CAMSAP2: variants seen among roughly 807,000 people sequenced by gnomAD.
CAMSAP2 encodes calmodulin-regulated spectrin-associated protein 2.
A neutral mutation model predicts 146.1 loss-of-function variants in CAMSAP2; 26 were observed. The observed-to-expected ratio is 0.18, with a 90% CI of 0.13 to 0.25. The LOEUF is 0.25. Ranked by LOEUF, CAMSAP2 falls within the 10% of genes least tolerant of loss-of-function variation. The pLI is 1.00. For synonymous variants in CAMSAP2, 499 were observed against 596.6 expected (o/e 0.84, Z 2.38); for missense variants, 1,381 against 1,759.3 (o/e 0.78, Z 3.85).
chr1:200,799,560 C>A (rs1665980876), intron 2 of CAMSAP2, among the ~76,000 whole-genome samples: 1 of 152,094 alleles, frequency 6.6e-6, no homozygotes, highest in Admixed American at 6.5e-5. Context: ...ATTCTTCTCT[C>A]TTTCCTTCTT....
Position 200,817,178 on chromosome 1 carries a change from AC to A in CAMSAP2, c.645+1535del, listed in dbSNP as rs1558192037. Among the ~76,000 whole-genome samples the A allele has an allele frequency of 4.9e-3, 269 of 55,346 alleles. 5 individuals are homozygous for A. Among genetic ancestry groups the A allele is most frequent in the African/African-American group, 0.021 (215 of 10,296 alleles). The allele number at this position is 55,346 out of a possible 152,430, so 36.3% of individuals were successfully genotyped here. On this transcript the variant is annotated intron_variant, in intron 4 of 16. Coordinates refer to ENST00000358823, the MANE Select transcript of CAMSAP2 (RefSeq NM_203459.4). ...CACATACACACACGTGTGTGTATAT[AC>A]ACACACACACATGTGTGTGTGTATA...
At chr1:200,740,426 C>G (rs796393745) in intron 1 of CAMSAP2, among the ~76,000 whole-genome samples, 3 of 152,080 alleles carry the variant, frequency 2.0e-5, no homozygotes, top group African/African-American at 7.2e-5. Flanking sequence ...TATTCAGGCT[C>G]CGTTGGATGT....
At chr1:200,855,852 C>T (rs2029752) in intron 14 of CAMSAP2, among the ~76,000 whole-genome samples, 158 bp from the exon 15 acceptor site, 45,584 of 151,676 alleles carry the variant, frequency 0.3, 7,443 homozygotes, top group Middle Eastern at 0.4. Flanking sequence ...GCCTCGGCCT[C>T]CCAAAGTGCT....
chr1:200,815,570 C>T lies in CAMSAP2; in HGVS notation c.571C>T (p.His191Tyr). ...ATTTTTATATTTTAAGGTAAATGAA[C>T]ATTTGAAAGACATAATGGAACAAGA... Reference protein sequence around the residue: ...VMYWINKVNEHLKDIMEQEQK... With the variant: ...VMYWINKVNEYLKDIMEQEQK... The change falls in exon 4 of 17, where the codon CAT becomes TAT. Residue 191 changes from histidine to tyrosine, a missense_variant. This residue lies in a region of CAMSAP2 where 284 missense variants were observed against 406.9 expected (regional missense o/e 0.70). Transcript: ENST00000358823. 1.3e-6 allele frequency: 2 copies of T among 1,528,516 alleles called. No individual in the cohort carries two copies. The highest frequency in any genetic ancestry group is 2.3e-5 in the East Asian group (1 of 43,172). The allele number at this position is 1,528,516 out of a possible 1,614,324, so 94.7% of individuals were successfully genotyped here.
chr1:200,772,180 T>C (rs1358479481), intron 2 of CAMSAP2, among the ~76,000 whole-genome samples: 2 of 152,164 alleles, frequency 1.3e-5, no homozygotes, highest in Non-Finnish European at 2.9e-5. Flanking sequence ...GTTACACATG[T>C]ATTACAGAAA....
intron 2 of CAMSAP2, among the ~76,000 whole-genome samples, chr1:200,770,071 A>T (rs1665072901): frequency 1.3e-5 from 2 of 152,208 alleles, no homozygotes; most frequent in Non-Finnish European, 2.9e-5. Context: ...TAGATAGATG[A>T]TTCTCCCCTA....
At chr1:200,821,056 C>T (rs1417324813) in intron 4 of CAMSAP2, among the ~76,000 whole-genome samples, 1 of 151,966 alleles carries the variant, frequency 6.6e-6, no homozygotes, top group African/African-American at 2.4e-5. Context: ...TCTTTTATAC[C>T]ATTATTTTAG....
rs1488606780 is a variant in CAMSAP2, at chr1:200,807,358, C to G, written c.400-18C>G. On this transcript the variant is annotated intron_variant, in intron 2 of 16. Coordinates refer to ENST00000358823, the MANE Select transcript of CAMSAP2 (RefSeq NM_203459.4). ...AAATATAATTTTTAAACTATTTGTT[C>G]TTGTTTTATATTTTCAGAGTGCACA... 6.8e-7 allele frequency: 1 copy of G among 1,463,908 alleles called. No individual in the cohort carries two copies. Among genetic ancestry groups the G allele is most frequent in the Non-Finnish European group, 9.1e-7 (1 of 1,099,934 alleles). 90.7% of individuals were successfully genotyped at this position (1,463,908 alleles called of 1,614,324 possible).
At position 200,857,012 on chromosome 1, in the gene CAMSAP2, C is replaced by T. The variant is rs1208341103; in HGVS notation, c.4013-294C>T. ...ATTCTACTCTAAGCTAACCAGTAAC[C>T]GTATAGATTTAAGAAAGAAGGTTAA... On this transcript the variant is annotated intron_variant, in intron 15 of 16. Coordinates refer to ENST00000358823, the MANE Select transcript of CAMSAP2 (RefSeq NM_203459.4). The surrounding 1 kb of genome is among the most constrained non-coding windows in gnomAD (Gnocchi z 4.7). 1.3e-5 allele frequency among the ~76,000 whole-genome samples: 2 copies of T among 152,018 alleles called. No individual in the cohort carries two copies. The highest frequency in any genetic ancestry group is 2.4e-5 in the African/African-American group (1 of 41,368).
chr1:200,821,177 TC>T (rs1344036514), intron 4 of CAMSAP2, among the ~76,000 whole-genome samples: 5 of 151,266 alleles, frequency 3.3e-5, no homozygotes, highest in Admixed American at 6.6e-5. Flanking sequence ...TGCTTCTTCT[TC>T]TTCTTTTTTT....
intron 1 of CAMSAP2, among the ~76,000 whole-genome samples, chr1:200,747,214 T>C (rs1372198293): frequency 1.3e-5 from 2 of 152,122 alleles, no homozygotes; most frequent in Admixed American, 1.3e-4. Context: ...CCAGTCACTT[T>C]GAGGGAGCGT....
At chr1:200,819,372 A>T (rs943880524) in intron 4 of CAMSAP2, among the ~76,000 whole-genome samples, 21 of 152,130 alleles carry the variant, frequency 1.4e-4, no homozygotes, top group Non-Finnish European at 2.2e-4. Context: ...ACAACAAATA[A>T]TTTTTTTATA....
Position 200,858,923 on chromosome 1 carries a change from C to T in CAMSAP2, c.*864C>T, listed in dbSNP as rs1431014019. On this transcript the variant is annotated 3_prime_UTR_variant, in exon 17 of 17. Transcript: ENST00000358823. ...TTTATAAGTTGGCAGAAGTGAATGA[C>T]ACTTTGAGAGTAGTCTTTCAATCTG... is the stretch of plus-strand genomic sequence containing the variant. 6.6e-6 allele frequency: 1 copy of T among 152,362 alleles called. No homozygotes were observed. Among genetic ancestry groups the T allele is most frequent in the Non-Finnish European group, 1.5e-5 (1 of 67,918 alleles). 9.4% of individuals were successfully genotyped at this position (152,362 alleles called of 1,614,324 possible).
chr1:200,799,085 G>A (rs1485895167), intron 2 of CAMSAP2, among the ~76,000 whole-genome samples: 1 of 152,046 alleles, frequency 6.6e-6, no homozygotes, highest in Non-Finnish European at 1.5e-5. Flanking sequence ...TTTTATTGAG[G>A]GTTTTCACAT....
At chr1:200,813,123 A>G (rs1430464711) in intron 3 of CAMSAP2, among the ~76,000 whole-genome samples, 1 of 152,240 alleles carries the variant, frequency 6.6e-6, no homozygotes, top group Non-Finnish European at 1.5e-5. Flanking sequence ...GAATTCCCAG[A>G]TCAAGGTGCC....
intron 4 of CAMSAP2, among the ~76,000 whole-genome samples, chr1:200,819,598 G>A (rs1452957398): frequency 6.6e-6 from 1 of 151,998 alleles, no homozygotes; most frequent in Admixed American, 6.6e-5. Context: ...CTTTACAAAG[G>A]CACTTGACCT....
chr1:200,836,338 T>C (rs1394151556), intron 6 of CAMSAP2, among the ~76,000 whole-genome samples: 4 of 152,204 alleles, frequency 2.6e-5, no homozygotes, highest in Admixed American at 2.6e-4. Flanking sequence ...AGTGAGAGCA[T>C]GTGGTGTGTG....
intron 2 of CAMSAP2, among the ~76,000 whole-genome samples, chr1:200,797,306 A>G (rs1287521904): frequency 6.6e-6 from 1 of 150,752 alleles, no homozygotes; most frequent in Admixed American, 6.6e-5. Flanking sequence ...AAGTGTTCCT[A>G]TTTCTCCACA....
rs78535765 is a variant in CAMSAP2 at position 200,804,520 on chromosome 1, A to G, written c.400-2856A>G. 2.0e-3 allele frequency among the ~76,000 whole-genome samples: 301 copies of G among 152,286 alleles called. 1 individual carries two copies. Among genetic ancestry groups the G allele is most frequent in the African/African-American group, 7.1e-3 (293 of 41,560 alleles). On this transcript the variant is annotated intron_variant, in intron 2 of 16. Transcript: ENST00000358823. The stretch of plus-strand genomic sequence containing the variant: ...CAAGAGGAGTCTTAAGAGTACATGA[A>G]TGATTTTGTGGCTCTTGAAATATTT...
Sources: allele counts gnomAD v4.1 joint callset (sites outside exome capture counted in the v4.1 genomes callset), GRCh38; gene constraint gnomAD v4.1.1; regional missense constraint gnomAD v4.1.1; non-coding constraint Gnocchi (gnomAD v3.1); transcripts MANE v1.5; gene names NCBI Gene and HGNC (gene_info 2026-07-23, HGNC 2026-07-21).